CNTLN: variants seen among roughly 807,000 people sequenced by gnomAD.
CNTLN encodes the protein centlein, centrosomal protein.
CNTLN carries 212 observed loss-of-function variants against 180.0 expected under a neutral mutation model. The ratio of observed to expected loss-of-function variants is 1.18; its 90% CI spans 1.05 to 1.32. CNTLN has a LOEUF of 1.32. CNTLN is among the 40% of genes most tolerant of loss of function. CNTLN has a pLI of 0.00. For missense variants in CNTLN, 2,095 were observed against 1,610.9 expected (o/e 1.30, Z -5.14); for synonymous variants, 722 against 563.1 (o/e 1.28, Z -3.99).
intron 7 of CNTLN, 33 bp downstream of exon 7, chr9:17,298,385 GT>G: frequency 2.6e-6 from 4 of 1,541,872 alleles, no homozygotes; most frequent in Non-Finnish European, 3.5e-6. Flanking sequence ...AGATGTAAAT[GT>G]TTATGTATGA....
chr9:17,268,495 T>A (rs10962981), intron 5 of CNTLN, among the ~76,000 whole-genome samples: 29,925 of 152,102 alleles, frequency 0.2, 3,609 homozygotes, highest in African/African-American at 0.33. Flanking sequence ...TCAGGGACCC[T>A]CTTGAGGAGG....
chr9:17,326,697 A>G, intron 8 of CNTLN, among the ~76,000 whole-genome samples: 1 of 152,196 alleles, frequency 6.6e-6, no homozygotes, highest in Non-Finnish European at 1.5e-5. Flanking sequence ...AATCATGTTG[A>G]TAGCATATAC....
intron 3 of CNTLN, among the ~76,000 whole-genome samples, chr9:17,234,419 G>A (rs1193679087): frequency 6.7e-6 from 1 of 149,528 alleles, no homozygotes; most frequent in South Asian, 2.2e-4. Flanking sequence ...CTCCAGAGTG[G>A]GTGACATGAC....
chr9:17,297,430 A>G (rs1818025910), intron 6 of CNTLN, among the ~76,000 whole-genome samples: 1 of 152,218 alleles, frequency 6.6e-6, no homozygotes, highest in Admixed American at 6.5e-5. Context: ...GGTTCAAATT[A>G]ATTATACAAA....
At position 17,492,265 on chromosome 9, in the gene CNTLN, TTTTC is replaced by T. The variant is rs140003186; in HGVS notation, c.4119+5218_4119+5221del. ...ATATCAGTTTTTTCTTGTAATTCCT[TTTTC>T]TTTCTTTCTTTCTTTCTTATTTTAT... On this transcript the variant is annotated intron_variant, in intron 25 of 25. Transcript: ENST00000380647. Among the ~76,000 whole-genome samples the T allele has an allele frequency of 5.9e-3, 896 of 151,984 alleles. 11 individuals are homozygous for T. The highest frequency in any genetic ancestry group is 0.021 in the African/African-American group (850 of 41,342).
chr9:17,522,516 T>G, the CNTLN span, among the ~76,000 whole-genome samples: 1 of 152,152 alleles, frequency 6.6e-6, no homozygotes, highest in African/African-American at 2.4e-5. Flanking sequence ...TTTTCATCAC[T>G]TCGGGGGCTG....
intron 2 of CNTLN, among the ~76,000 whole-genome samples, chr9:17,213,708 T>A (rs1003456679): frequency 6.6e-6 from 1 of 152,186 alleles, no homozygotes; most frequent in Admixed American, 6.5e-5. Flanking sequence ...TTTGTAGGTC[T>A]CTAAGGACTT....
At chr9:17,214,194 G>A (rs1327973737) in intron 2 of CNTLN, among the ~76,000 whole-genome samples, 4 of 152,148 alleles carry the variant, frequency 2.6e-5, no homozygotes, top group Non-Finnish European at 4.4e-5. Flanking sequence ...GACTGGTACC[G>A]GTTGTTCCTT....
In CNTLN at chr9:17,135,395, C is replaced by T; in HGVS notation, c.330C>T (p.Ser110=). The change falls in exon 1 of 26, where the codon AGC becomes AGT. Residue 110 remains serine (S), a synonymous_variant. Transcript: ENST00000380647. Reference sequence around the variant, plus strand: ...CGCAGCTGCTGGAGGAAGAGCTGAGCAGCCTAAAGGAGGAGTTGGCCCTGT... The same window carrying T: ...CGCAGCTGCTGGAGGAAGAGCTGAGTAGCCTAAAGGAGGAGTTGGCCCTGT... ...TRTQLLEEEL[S]SLKEELALCQ... The T allele has an allele frequency of 6.3e-7, 1 of 1,597,904 alleles. No homozygotes were observed.
intron 6 of CNTLN, among the ~76,000 whole-genome samples, chr9:17,286,651 T>C (rs1222798037): frequency 7.8e-6 from 1 of 127,834 alleles, no homozygotes; most frequent in Non-Finnish European, 1.6e-5. Flanking sequence ...TGGAATGTTC[T>C]TCCATTTGTT....
At chr9:17,178,372 C>G (rs764693355) in intron 2 of CNTLN, among the ~76,000 whole-genome samples, 12 of 152,340 alleles carry the variant, frequency 7.9e-5, no homozygotes, top group African/African-American at 1.2e-4. Flanking sequence ...GCACCCGGGC[C>G]GCAGGTGGAG....
chr9:17,241,247 GA>G (rs1384108873), intron 5 of CNTLN, among the ~76,000 whole-genome samples: 1 of 152,208 alleles, frequency 6.6e-6, no homozygotes. Flanking sequence ...CATGGCAACA[GA>G]TAGGGGTCTA....
rs561899872 is a variant in CNTLN at position 17,263,109 on chromosome 9, G to A, written c.850-10624G>A. Among the ~76,000 whole-genome samples, 366 of 150,686 alleles carry A rather than the reference G, an allele frequency of 2.4e-3. 11 individuals are homozygous for A. Among genetic ancestry groups the A allele is most frequent in the African/African-American group, 8.4e-3 (341 of 40,420 alleles). ...CACAACGTGCAGGTTTGTTACATATGTATACATGTGCCATGTTGGTGTGCT... is the reference window on the plus strand; with the variant it reads ...CACAACGTGCAGGTTTGTTACATATATATACATGTGCCATGTTGGTGTGCT... On this transcript the variant is annotated intron_variant, in intron 5 of 25. Transcript: ENST00000380647.
At position 17,351,882 on chromosome 9, in the gene CNTLN, C is replaced by A. The variant is rs974297037; in HGVS notation, c.1886+9438C>A. ...ATATAACACACTTGAATATCAGCTC[C>A]CCCCTTTTATTTTTTTACAATTTCT... On this transcript the variant is annotated intron_variant, in intron 12 of 25. Coordinates refer to ENST00000380647, the MANE Select transcript of CNTLN (RefSeq NM_017738.4). 3.9e-5 allele frequency among the ~76,000 whole-genome samples: 6 copies of A among 152,168 alleles called. No homozygotes were observed. The East Asian group carries it at 1.2e-3, about 29-fold the overall frequency.
At chr9:17,270,947 C>CTTTTTTTTTTTTTTTTTTTTTTT (rs78896738) in intron 5 of CNTLN, among the ~76,000 whole-genome samples, 2 of 122,154 alleles carry the variant, frequency 1.6e-5, no homozygotes, top group Admixed American at 8.9e-5. Flanking sequence ...GAGAGGAGTT[C>CTTTTTTTTTTTTTTTTTTTTTTT]TTTTTTTTTT....
chr9:17,364,887 T>G (rs977861980), intron 12 of CNTLN, among the ~76,000 whole-genome samples: 1 of 152,204 alleles, frequency 6.6e-6, no homozygotes, highest in African/African-American at 2.4e-5. Context: ...GATTTAGGCT[T>G]GGGATTCTGA....
rs772278915 is a variant in CNTLN at position 17,502,555 on chromosome 9, C to T, written c.4124C>T (p.Pro1375Leu). The change falls in exon 26 of 26, where the codon CCT becomes CTT. Residue 1375 changes from proline to leucine, a missense_variant. Physicochemically the swap from Pro to Leu is moderately conservative, Grantham distance 98 (BLOSUM62 -3). Coordinates refer to ENST00000380647, the MANE Select transcript of CNTLN (RefSeq NM_017738.4). ...TTTTTTGTGTTTCTTTTACAGCTTC[C>T]TTTTGCCTCATATTTACTAGAAGCA... Reference protein sequence around the residue: ...YIQKLLEGQLPFASYLLEAVL... With the variant: ...YIQKLLEGQLLFASYLLEAVL... The T allele has an allele frequency of 8.0e-6, 11 of 1,367,372 alleles. No homozygotes were observed. The highest frequency in any genetic ancestry group is 1.1e-5 in the Non-Finnish European group (11 of 998,162). 84.7% of individuals were successfully genotyped at this position (1,367,372 alleles called of 1,614,324 possible).
chr9:17,345,826 T>A (rs1411708008), intron 12 of CNTLN, among the ~76,000 whole-genome samples: 1 of 152,116 alleles, frequency 6.6e-6, no homozygotes, highest in Non-Finnish European at 1.5e-5. Context: ...AATTTATGTA[T>A]GGGTAAATAT....
At position 17,309,504 on chromosome 9, in the gene CNTLN, G is replaced by A. The variant is rs10963021; in HGVS notation, c.1341+252G>A. Among the ~76,000 whole-genome samples the A allele has an allele frequency of 1.6e-4, 25 of 152,182 alleles. 1 individual carries two copies. The East Asian group carries it at 4.3e-3, about 26-fold the overall frequency. On this transcript the variant is annotated intron_variant, in intron 8 of 25. Coordinates refer to ENST00000380647, the MANE Select transcript of CNTLN (RefSeq NM_017738.4). ...AGTTATCGTGATGAAACATTTGGCT[G>A]ATATACATTATTGAAAAGCAAATTA...
Sources: allele counts gnomAD v4.1 joint callset (sites outside exome capture counted in the v4.1 genomes callset), GRCh38; gene constraint gnomAD v4.1.1; transcripts MANE v1.5; gene names NCBI Gene and HGNC (gene_info 2026-07-23, HGNC 2026-07-21).